The following NUMA1 variants were observed in gnomAD, a reference collection of about 807,000 sequenced individuals.
The protein encoded by NUMA1 is nuclear mitotic apparatus protein 1.
In NUMA1, 62 loss-of-function variants were observed where a neutral mutation model predicts 237.1. The ratio of observed to expected loss-of-function variants is 0.26; its 90% CI spans 0.21 to 0.32. The LOEUF (loss-of-function observed/expected upper bound fraction) is 0.32. Among genes scored for constraint, NUMA1 ranks in the 10% least tolerant of loss-of-function variants. The pLI is 1.00. For missense variants in NUMA1, 2,533 were observed against 2,666.5 expected, an observed-to-expected ratio of 0.95 and a Z score of 1.10; for synonymous variants, 1,028 against 1,066.1, an observed-to-expected ratio of 0.96 and a Z score of 0.70.
Position 72,013,272 on chromosome 11 carries a change from G to T in NUMA1, c.4231C>A (p.Pro1411Thr), listed in dbSNP as rs779516539. ...RAQRELGELI[P>T]LRQKVAEQER... ...TGCTCTGCCACCTTCTGCCGCAGAG[G>T]AATCAGCTCCCCAAGCTCCCGCTGG... is the stretch of plus-strand genomic sequence containing the variant. Residue 1411 changes from proline (P) to threonine (T), a missense_variant, in exon 15 of 27, where the codon CCT becomes ACT. By Grantham distance (38) the Pro-to-Thr change is conservative. This residue lies in a region of NUMA1 where 324 missense variants were observed against 407.6 expected (regional missense o/e 0.79). Transcript: ENST00000393695. The surrounding 1 kb of genome is among the most constrained non-coding windows in gnomAD (Gnocchi z 6.8). The T allele has an allele frequency of 3.1e-6, 5 of 1,604,688 alleles. No individual in the cohort carries two copies. The South Asian group carries it at 5.5e-5, about 18-fold the overall frequency.
chr11:72,055,889 AC>A (rs1942608124), intron 2 of NUMA1, among the ~76,000 whole-genome samples: 1 of 151,950 alleles, frequency 6.6e-6, no homozygotes, highest in South Asian at 2.1e-4. Context: ...GCCGAGGCAG[AC>A]AGATTACCTG....
intron 23 of NUMA1, among the ~76,000 whole-genome samples, 194 bp from the exon 24 acceptor site, chr11:72,005,010 T>TGC (rs1438790150): frequency 6.6e-6 from 1 of 152,122 alleles, no homozygotes; most frequent in Non-Finnish European, 1.5e-5. Flanking sequence ...CCACAAGCAG[T>TGC]GCAGTCCTGA....
chr11:72,014,275 C>T lies in NUMA1; in HGVS notation c.3228G>A (p.Gln1076=). The change falls in exon 15 of 27, where the codon CAG becomes CAA. Residue 1076 remains glutamine, a synonymous_variant. Coordinates refer to ENST00000393695, the MANE Select transcript of NUMA1 (RefSeq NM_006185.4). The surrounding 1 kb of genome is among the most constrained non-coding windows in gnomAD (Gnocchi z 4.6). ...GCCGAAGTTCCTCCAGCTCTTTTAT[C>T]TGGGCTGCCTCCAGACCACGAAGCT... is the stretch of plus-strand genomic sequence containing the variant. The part of the protein sequence containing the change: ...LAKLRGLEAA[Q]IKELEELRQT... 1 of 1,613,942 alleles carries T rather than the reference C, an allele frequency of 6.2e-7. No individual in the cohort carries two copies. The highest frequency in any genetic ancestry group is 2.2e-5 in the East Asian group (1 of 44,888).
chr11:72,043,191 G>A (rs969117683), intron 2 of NUMA1, among the ~76,000 whole-genome samples: 1 of 151,794 alleles, frequency 6.6e-6, no homozygotes, highest in Non-Finnish European at 1.5e-5. Flanking sequence ...GAACAAGAGA[G>A]AAAACAGAGT....
At chr11:72,067,875 AGACCAC>A (rs1368306741) in intron 2 of NUMA1, 3 of 152,238 alleles carry the variant, frequency 2.0e-5, no homozygotes, top group Non-Finnish European at 2.9e-5. Flanking sequence ...TGAGTTTTCA[AGACCAC>A]TGTTTCCAGG....
At position 72,003,419 on chromosome 11, in the gene NUMA1, A is replaced by C; in HGVS notation, c.*108T>G. On this transcript the variant is annotated 3_prime_UTR_variant, in exon 27 of 27. Transcript: ENST00000393695. Reference sequence around the variant, plus strand: ...CATCACTGTCTCTAGGGGTTTGGCTACTGTTGGCCTGGGAGCTGAGAGAAG... The same window carrying C: ...CATCACTGTCTCTAGGGGTTTGGCTCCTGTTGGCCTGGGAGCTGAGAGAAG... 1 of 1,088,072 alleles carries C rather than the reference A, an allele frequency of 9.2e-7. No homozygotes were observed. The highest frequency in any genetic ancestry group is 1.5e-5 in the African/African-American group (1 of 65,336). 67.4% of individuals were successfully genotyped at this position (1,088,072 alleles called of 1,614,324 possible).
Position 72,015,634 on chromosome 11 carries a change from T to C in NUMA1, c.1869A>G (p.Gln623=). The C allele has an allele frequency of 6.2e-7, 1 of 1,613,798 alleles. No homozygotes were observed. Among genetic ancestry groups the C allele is most frequent in the Non-Finnish European group, 8.5e-7 (1 of 1,180,028 alleles). The change falls in exon 15 of 27, where the codon CAA becomes CAG. Residue 623 remains glutamine (Q), a synonymous_variant. Transcript: ENST00000393695. The surrounding 1 kb of genome is among the most constrained non-coding windows in gnomAD (Gnocchi z 4.0). ...CCCGGGCTTCATTAGCCACCTGAAGTTGCTGCTGCAGAATCTCCAGCTTGG... is the reference window on the plus strand; with the variant it reads ...CCCGGGCTTCATTAGCCACCTGAAGCTGCTGCTGCAGAATCTCCAGCTTGG... ...KAAKLEILQQ[Q]LQVANEARDS... is the part of the protein sequence containing the mutation.
At chr11:72,061,582 C>T (rs1183851102) in intron 2 of NUMA1, among the ~76,000 whole-genome samples, 1 of 150,612 alleles carries the variant, frequency 6.6e-6, no homozygotes, top group African/African-American at 2.4e-5. Flanking sequence ...CCTCAACCTC[C>T]CAGGCTCAAG....
intron 3 of NUMA1, among the ~76,000 whole-genome samples, chr11:72,030,606 C>T (rs1035006104): frequency 5.3e-5 from 8 of 152,170 alleles, no homozygotes; most frequent in Non-Finnish European, 1.2e-4. Context: ...CACTACAGTT[C>T]AGAAGTAGCC....
chr11:72,033,376 T>G (rs1940593204), intron 3 of NUMA1, among the ~76,000 whole-genome samples: 1 of 143,176 alleles, frequency 7.0e-6, no homozygotes, highest in Admixed American at 6.9e-5. Flanking sequence ...TTTTTTTTTT[T>G]TTTTTTTTTT....
intron 1 of NUMA1, among the ~76,000 whole-genome samples, chr11:72,078,681 C>T (rs1018689240): frequency 2.6e-5 from 4 of 152,216 alleles, no homozygotes; most frequent in Non-Finnish European, 5.9e-5. Context: ...ATTAGTCATC[C>T]CTTGCTAGAA....
chr11:72,014,420 G>T lies in NUMA1; in HGVS notation c.3083C>A (p.Ala1028Glu), dbSNP rs1272360755. Residue 1028 changes from alanine to glutamate, a missense_variant, in exon 15 of 27, where the codon GCA becomes GAA. Ala to Glu is a moderately radical substitution (Grantham distance 107). This residue lies in a region of NUMA1 where 1,414 missense variants were observed against 1,508.1 expected (regional missense o/e 0.94). Transcript: ENST00000393695. The surrounding 1 kb of genome is among the most constrained non-coding windows in gnomAD (Gnocchi z 4.6). ...ADLALEKAAR[A>E]ELEMRLQNAL... ...GTTCTGCAGCCGCATCTCAAGCTCT[G>T]CTCTGGCCGCCTTCTCCAGGGCAAG... 2 of 1,608,746 alleles carry T rather than the reference G, an allele frequency of 1.2e-6. No homozygotes were observed. Among genetic ancestry groups the T allele is most frequent in the East Asian group, 4.5e-5 (2 of 44,872 alleles).
At position 72,006,148 on chromosome 11, in the gene NUMA1, A is replaced by G. The variant is rs1955674152; in HGVS notation, c.5579T>C (p.Leu1860Pro). The G allele has an allele frequency of 6.2e-7, 1 of 1,614,198 alleles. No individual in the cohort carries two copies. The highest frequency in any genetic ancestry group is 1.3e-5 in the African/African-American group (1 of 75,064). Reference protein sequence around the residue: ...ATSSTQSLARLGSPDYGNSAL... With the variant: ...ATSSTQSLARPGSPDYGNSAL... ...TGAGTTGCCATAATCGGGAGAACCC[A>G]GGCGAGCTAGAGACTGAGTAGAGGA... is the stretch of plus-strand genomic sequence containing the variant. Residue 1860 changes from leucine (L) to proline (P), a missense_variant, in exon 22 of 27, where the codon CTG becomes CCG. Coordinates refer to ENST00000393695, the MANE Select transcript of NUMA1 (RefSeq NM_006185.4).
intron 9 of NUMA1, 80 bp downstream of exon 9, chr11:72,019,414 A>G (rs1938413299): frequency 1.9e-6 from 3 of 1,554,606 alleles, no homozygotes; most frequent in African/African-American, 2.7e-5. Context: ...GCTGGTTAAC[A>G]TCTTAACTCT....
At chr11:72,040,793 T>C (rs909970242) in intron 2 of NUMA1, 5 of 152,146 alleles carry the variant, frequency 3.3e-5, no homozygotes, top group Non-Finnish European at 5.9e-5. Context: ...ACAGCGCCTG[T>C]TTCTGAGTAT....
chr11:72,034,192 T>C (rs1332785375), intron 3 of NUMA1, among the ~76,000 whole-genome samples: 2 of 152,158 alleles, frequency 1.3e-5, no homozygotes, highest in Non-Finnish European at 2.9e-5. Context: ...TACTAAAATA[T>C]CCTGTGTCAA....
intron 12 of NUMA1, 94 bp downstream of exon 12, chr11:72,018,089 G>C (rs896495942): frequency 3.1e-5 from 32 of 1,042,046 alleles, no homozygotes; most frequent in African/African-American, 1.7e-4. Flanking sequence ...CATAAGACAG[G>C]TGCTGGGACA....
chr11:72,075,475 A>G (rs1467329155), intron 1 of NUMA1, among the ~76,000 whole-genome samples: 2 of 152,212 alleles, frequency 1.3e-5, no homozygotes, highest in African/African-American at 4.8e-5. Context: ...AACAGAAGCC[A>G]GCTCCTCCAG....
In NUMA1 at chr11:72,073,680, T is replaced by C. The variant is rs116203303; in HGVS notation, c.-102-3769A>G. Reference sequence around the variant, plus strand: ...AAAACCAGAACTAATGAGTGGAAGTTACAGGAAGACTGATTTTGGTTTGCC... The same window carrying C: ...AAAACCAGAACTAATGAGTGGAAGTCACAGGAAGACTGATTTTGGTTTGCC... On this transcript the variant is annotated intron_variant, in intron 1 of 26. Transcript: ENST00000393695. Among the ~76,000 whole-genome samples, 1,018 of 152,282 alleles carry C rather than the reference T, an allele frequency of 6.7e-3. 12 individuals carry two copies. The highest frequency in any genetic ancestry group is 0.023 in the African/African-American group (962 of 41,538).
Sources: gnomAD v4.1 joint callset for allele counts (sites outside exome capture counted in the v4.1 genomes callset) on GRCh38, gnomAD v4.1.1 for gene constraint, gnomAD v4.1.1 regional missense constraint, Gnocchi (gnomAD v3.1) non-coding constraint, MANE v1.5 for transcripts, NCBI Gene and HGNC (gene_info 2026-07-23, HGNC 2026-07-21) for gene names.